The following BLOC1S6 variants were observed in gnomAD, a reference collection of about 807,000 sequenced individuals.
The protein encoded by BLOC1S6 is biogenesis of lysosome-related organelles complex 1 subunit 6.
A neutral mutation model predicts 24.7 loss-of-function variants in BLOC1S6; 24 were observed. That is an observed-to-expected ratio of 0.97 (90% CI 0.70 to 1.37). The LOEUF (loss-of-function observed/expected upper bound fraction) is 1.37, where lower values mean the gene tolerates loss of function less well. BLOC1S6 is among the 40% of genes most tolerant of loss of function. The pLI is 0.00. For missense variants in BLOC1S6, 175 were observed against 196.2 expected, an observed-to-expected ratio of 0.89 and a Z score of 0.64; for synonymous variants, 76 against 72.6, an observed-to-expected ratio of 1.05 and a Z score of -0.23.
At chr15:45,590,833 A>C (rs1159999145) in intron 1 of BLOC1S6, among the ~76,000 whole-genome samples, 1 of 152,232 alleles carries the variant, frequency 6.6e-6, no homozygotes, top group Non-Finnish European at 1.5e-5. Flanking sequence ...GATGGTTACC[A>C]GACTATAATT....
chr15:45,590,370 GCTTA>G (rs779832838), intron 1 of BLOC1S6, among the ~76,000 whole-genome samples: 2 of 150,878 alleles, frequency 1.3e-5, no homozygotes, highest in Non-Finnish European at 3.0e-5. Context: ...TTTTCAAAAA[GCTTA>G]CTTCGAATAT....
intron 3 of BLOC1S6, among the ~76,000 whole-genome samples, chr15:45,604,678 T>C (rs968768813): frequency 2.0e-5 from 3 of 152,240 alleles, no homozygotes; most frequent in Non-Finnish European, 4.4e-5. Flanking sequence ...ACAATGACTT[T>C]ACTTGCAGCT....
At chr15:45,591,575 G>GGT (rs768417465) in intron 1 of BLOC1S6, among the ~76,000 whole-genome samples, 46 of 152,252 alleles carry the variant, frequency 3.0e-4, no homozygotes, top group Non-Finnish European at 6.2e-4. Context: ...TGGGACCACA[G>GGT]GTGTGTGCCA....
intron 2 of BLOC1S6, among the ~76,000 whole-genome samples, chr15:45,595,299 T>C (rs1465256964): frequency 6.6e-6 from 1 of 152,188 alleles, no homozygotes; most frequent in East Asian, 1.9e-4. Flanking sequence ...ATGAGTCACT[T>C]TATTAGTGTA....
Position 45,605,535 on chromosome 15 carries a change from C to T in BLOC1S6, c.399+21C>T, listed in dbSNP as rs1386981558. On this transcript the variant is annotated intron_variant, in intron 4 of 4. Coordinates refer to ENST00000220531, the MANE Select transcript of BLOC1S6 (RefSeq NM_012388.4). ...TAAAAGTGAGTTGAAAATTCTTTCA[C>T]ATTCTTTACAAAAGTAGAGGTTTAA... 3.4e-6 allele frequency: 5 copies of T among 1,465,914 alleles called. No homozygotes were observed. The Admixed American group carries it at 5.1e-5, about 15-fold the overall frequency. The allele number at this position is 1,465,914 out of a possible 1,614,324, so 90.8% of individuals were successfully genotyped here. A position where few individuals can be genotyped will look rare whatever the true frequency, so the allele number is the denominator to read the frequency against.
rs373061008 is a variant in BLOC1S6, at chr15:45,606,377, AT to A, written c.400-8del. The A allele has an allele frequency of 9.7e-5, 151 of 1,560,768 alleles. No individual in the cohort carries two copies. The highest frequency in any genetic ancestry group is 8.1e-5 in the Non-Finnish European group (92 of 1,140,864). On this transcript the variant is annotated splice_polypyrimidine_tract_variant and intron_variant, in intron 4 of 4. Coordinates refer to ENST00000220531, the MANE Select transcript of BLOC1S6 (RefSeq NM_012388.4). ...CCCTGATTGCTCTCTTGGTTTTTAA[AT>A]TTTTTTTTTAACACAGAAAAGAGCA... is the stretch of plus-strand genomic sequence containing the variant.
chr15:45,604,254 C>T (rs1017798821), intron 3 of BLOC1S6, among the ~76,000 whole-genome samples: 44 of 146,592 alleles, frequency 3.0e-4, no homozygotes, highest in Non-Finnish European at 1.8e-4. Context: ...TTCATGCATA[C>T]CTCAAAAAAA....
Position 45,606,891 on chromosome 15 carries a change from C to A in BLOC1S6, c.*377C>A. The A allele has an allele frequency of 4.7e-6, 1 of 210,680 alleles. No homozygotes were observed. Among genetic ancestry groups the A allele is most frequent in the Non-Finnish European group, 9.5e-6 (1 of 105,252 alleles). 13.1% of individuals were successfully genotyped at this position (210,680 alleles called of 1,614,324 possible). On this transcript the variant is annotated 3_prime_UTR_variant, in exon 5 of 5. Transcript: ENST00000220531. Reference sequence around the variant, plus strand: ...AGTTCTTATTTTATGAAATGACTTGCCTTTCTGGTAATACAATGCTGATTT... The same window carrying A: ...AGTTCTTATTTTATGAAATGACTTGACTTTCTGGTAATACAATGCTGATTT...
chr15:45,587,436 G>C lies in BLOC1S6; in HGVS notation c.-8G>C. 6.4e-7 allele frequency: 1 copy of C among 1,572,534 alleles called. No homozygotes were observed. The highest frequency in any genetic ancestry group is 8.6e-7 in the Non-Finnish European group (1 of 1,157,778). On this transcript the variant is annotated 5_prime_UTR_variant, in exon 1 of 5. Transcript: ENST00000220531. ...TTGCTTCTTCCCTGTGTTCCCAGCTGGAGGGACATGAGTGTCCCTGGGCCG... is the reference window on the plus strand; with the variant it reads ...TTGCTTCTTCCCTGTGTTCCCAGCTCGAGGGACATGAGTGTCCCTGGGCCG...
rs368442198 is a variant in BLOC1S6, at chr15:45,605,573, GT to G, written c.399+73del. 50,585 of 803,702 alleles carry G rather than the reference GT, an allele frequency of 0.063. 2,148 individuals carry two copies. The highest frequency in any genetic ancestry group is 0.34 in the African/African-American group (18,017 of 52,900). 49.8% of individuals were successfully genotyped at this position (803,702 alleles called of 1,614,324 possible). On this transcript the variant is annotated intron_variant, in intron 4 of 4. Coordinates refer to ENST00000220531, the MANE Select transcript of BLOC1S6 (RefSeq NM_012388.4). Reference sequence around the variant, plus strand: ...AGTAGAGGTTTAATTGTTTTTTGTTGTTTTTTTTTTTTTTCAGTATTCTTTT... The same window carrying G: ...AGTAGAGGTTTAATTGTTTTTTGTTGTTTTTTTTTTTTTCAGTATTCTTTT...
At position 45,607,852 on chromosome 15, in the gene BLOC1S6, G is replaced by A. The variant is rs906248277; in HGVS notation, c.*1338G>A. 1 of 152,298 alleles carries A rather than the reference G, an allele frequency of 6.6e-6. No homozygotes were observed. Among genetic ancestry groups the A allele is most frequent in the Middle Eastern group, 3.4e-3 (1 of 294 alleles). 9.4% of individuals were successfully genotyped at this position (152,298 alleles called of 1,614,324 possible). On this transcript the variant is annotated 3_prime_UTR_variant, in exon 5 of 5. Transcript: ENST00000220531. The stretch of plus-strand genomic sequence containing the variant: ...CTTTATAGATAATTACAGGGATGGT[G>A]AAAAATTAGTAAATAGCTTCACAAA...
At position 45,608,960 on chromosome 15, in the gene BLOC1S6, G is replaced by A. The variant is rs1473269836; in HGVS notation, c.*2446G>A. 1 of 152,084 alleles carries A rather than the reference G, an allele frequency of 6.6e-6. No individual in the cohort carries two copies. Among genetic ancestry groups the A allele is most frequent in the Non-Finnish European group, 1.5e-5 (1 of 68,020 alleles). The allele number at this position is 152,084 out of a possible 1,614,324, so 9.4% of individuals were successfully genotyped here. A position where few individuals can be genotyped will look rare whatever the true frequency, so the allele number is the denominator to read the frequency against. ...ATTCTGGTTAGCTAATTGAACTTTT[G>A]TGACCTGTTTAAAAACAAATCAAAT... On this transcript the variant is annotated 3_prime_UTR_variant, in exon 5 of 5. Transcript: ENST00000220531.
intron 1 of BLOC1S6, chr15:45,587,771 C>T: frequency 1.4e-6 from 1 of 702,834 alleles, no homozygotes; most frequent in Non-Finnish European, 2.6e-6. Context: ...ATGGTGAAGC[C>T]ATTCTGAGTT....
At chr15:45,601,456 A>G (rs1894267199) in intron 2 of BLOC1S6, 1 of 153,224 alleles carries the variant, frequency 6.5e-6, no homozygotes, top group Admixed American at 6.5e-5. Context: ...GCCTACATAA[A>G]CTTTTTGTTT....
In BLOC1S6 at chr15:45,606,636, T is replaced by C. The variant is rs1377311481; in HGVS notation, c.*122T>C. 7.3e-7 allele frequency: 1 copy of C among 1,365,876 alleles called. No homozygotes were observed. The allele number at this position is 1,365,876 out of a possible 1,614,324, so 84.6% of individuals were successfully genotyped here. On this transcript the variant is annotated 3_prime_UTR_variant, in exon 5 of 5. Coordinates refer to ENST00000220531, the MANE Select transcript of BLOC1S6 (RefSeq NM_012388.4). ...TCATATGTTGAAATCCTTATTCCGG[T>C]ATTACTGTGTCTCCATGCCTTTTTT...
intron 2 of BLOC1S6, among the ~76,000 whole-genome samples, 174 bp from the exon 3 acceptor site, chr15:45,602,926 T>C (rs1413468551): frequency 6.6e-6 from 1 of 152,242 alleles, no homozygotes; most frequent in African/African-American, 2.4e-5. Flanking sequence ...TATCAGAATG[T>C]GGCTTTAGAA....
intron 3 of BLOC1S6, among the ~76,000 whole-genome samples, chr15:45,604,000 T>C (rs1457369954): frequency 6.6e-6 from 1 of 152,184 alleles, no homozygotes; most frequent in African/African-American, 2.4e-5. Context: ...ATACTCTGTA[T>C]TATAAGAAAC....
chr15:45,606,736 A>T lies in BLOC1S6; in HGVS notation c.*222A>T, dbSNP rs1894480848. 3 of 553,070 alleles carry T rather than the reference A, an allele frequency of 5.4e-6. No individual in the cohort carries two copies. Among genetic ancestry groups the T allele is most frequent in the Non-Finnish European group, 9.3e-6 (3 of 323,054 alleles). The allele number at this position is 553,070 out of a possible 1,614,324, so 34.3% of individuals were successfully genotyped here. A position where few individuals can be genotyped will look rare whatever the true frequency, so the allele number is the denominator to read the frequency against. On this transcript the variant is annotated 3_prime_UTR_variant, in exon 5 of 5. Transcript: ENST00000220531. ...TTTTCAAATTTTGCTTAATTTTAAA[A>T]TTTATTATTTTGATCTTGAATTATT...
chr15:45,605,345 A>G (rs574308897), intron 3 of BLOC1S6, 83 bp from the exon 4 acceptor site: 2 of 1,118,800 alleles, frequency 1.8e-6, no homozygotes, highest in South Asian at 1.4e-5. Context: ...AGCACAAACT[A>G]TCATTTATAT....
Sources: gnomAD v4.1 joint callset for allele counts (sites outside exome capture counted in the v4.1 genomes callset) on GRCh38, gnomAD v4.1.1 for gene constraint, MANE v1.5 for transcripts, NCBI Gene and HGNC (gene_info 2026-07-23, HGNC 2026-07-21) for gene names.